Variants in ANAPC13 observed in about 807,000 individuals in gnomAD.
ANAPC13 encodes anaphase promoting complex subunit 13.
A neutral mutation model predicts 9.6 loss-of-function variants in ANAPC13; 9 were observed. The observed-to-expected ratio is 0.94, with a 90% CI of 0.57 to 1.64. ANAPC13 has a LOEUF of 1.64. Ranked by LOEUF, ANAPC13 falls within the 40% of genes most tolerant of loss-of-function variation. ANAPC13 has a pLI of 0.00. For synonymous variants in ANAPC13, 30 were observed against 29.7 expected, an observed-to-expected ratio of 1.01 and a Z score of -0.03; for missense variants, 75 against 85.3, an observed-to-expected ratio of 0.88 and a Z score of 0.48.
chr3:134,484,102 C>T (rs1213531140), intron 1 of ANAPC13, among the ~76,000 whole-genome samples: 2 of 152,218 alleles, frequency 1.3e-5, no homozygotes, highest in Admixed American at 1.3e-4. Flanking sequence ...GCTCACAGGG[C>T]CGGGCGCGGT....
chr3:134,485,991 G>GGCC, upstream of ANAPC13: 183 of 937,754 alleles, frequency 2.0e-4, no homozygotes, highest in Middle Eastern at 5.4e-4. Context: ...CTCCTGCCAC[G>GGCC]CCCCCCCCCC....
Position 134,477,997 on chromosome 3 carries a change from C to T in ANAPC13, c.*593G>A, listed in dbSNP as rs1297244526. 2 of 152,148 alleles carry T rather than the reference C, an allele frequency of 1.3e-5. No homozygotes were observed. Among genetic ancestry groups the T allele is most frequent in the Non-Finnish European group, 1.5e-5 (1 of 68,016 alleles). 9.4% of individuals were successfully genotyped at this position (152,148 alleles called of 1,614,324 possible). A position where few individuals can be genotyped will look rare whatever the true frequency, so the allele number is the denominator to read the frequency against. ...CATCCACCTAGCCAAAGATCCTTTCCAGCAGCACAAAAGGAATTTGTAAGG... is the reference window on the plus strand; with the variant it reads ...CATCCACCTAGCCAAAGATCCTTTCTAGCAGCACAAAAGGAATTTGTAAGG... On this transcript the variant is annotated 3_prime_UTR_variant, in exon 3 of 3. Coordinates refer to ENST00000354910, the MANE Select transcript of ANAPC13 (RefSeq NM_015391.4).
intron 2 of ANAPC13, 22 bp downstream of exon 2, chr3:134,482,784 C>T (rs1480968393): frequency 1.2e-6 from 2 of 1,603,020 alleles, no homozygotes; most frequent in Non-Finnish European, 1.7e-6. Flanking sequence ...TTAACCCATC[C>T]TCAGCTCAAA....
intron 2 of ANAPC13, among the ~76,000 whole-genome samples, chr3:134,479,779 A>G (rs982770046): frequency 6.6e-6 from 1 of 152,186 alleles, no homozygotes; most frequent in African/African-American, 2.4e-5. Context: ...TTCACACCCT[A>G]CCAGCAATTT....
intron 2 of ANAPC13, among the ~76,000 whole-genome samples, chr3:134,479,140 G>T (rs1446647460): frequency 1.3e-5 from 2 of 152,168 alleles, no homozygotes; most frequent in Non-Finnish European, 2.9e-5. Flanking sequence ...ATTAGGTGAG[G>T]TAATTCAGAT....
At position 134,480,270 on chromosome 3, in the gene ANAPC13, G is replaced by A. The variant is rs75859276; in HGVS notation, c.100-1555C>T. On this transcript the variant is annotated intron_variant, in intron 2 of 2. Coordinates refer to ENST00000354910, the MANE Select transcript of ANAPC13 (RefSeq NM_015391.4). ...ATTCTTTAATTCAGAAGCAGACAAC[G>A]TTGCTTAATTTCATCCTATCTGTGG... Among the ~76,000 whole-genome samples, 909 of 152,300 alleles carry A rather than the reference G, an allele frequency of 6.0e-3. 22 individuals are homozygous for A. The South Asian group carries it at 0.074, about 12-fold the overall frequency.
chr3:134,485,026 A>G (rs1934976555), intron 1 of ANAPC13, among the ~76,000 whole-genome samples: 1 of 152,130 alleles, frequency 6.6e-6, no homozygotes, highest in African/African-American at 2.4e-5. Context: ...CCCTTCTCCA[A>G]ACACCTCCAA....
intron 1 of ANAPC13, 55 bp from the exon 2 acceptor site, chr3:134,482,986 C>A (rs995413568): frequency 1.7e-6 from 2 of 1,206,616 alleles, no homozygotes; most frequent in Admixed American, 3.4e-5. Flanking sequence ...ATGGTATAAT[C>A]CACTATTAGG....
chr3:134,483,059 C>T (rs1423430285), intron 1 of ANAPC13, 128 bp from the exon 2 acceptor site: 22 of 647,920 alleles, frequency 3.4e-5, no homozygotes, highest in South Asian at 2.0e-4. Flanking sequence ...TCATATGGGC[C>T]GGGTGACTAC....
upstream of ANAPC13, chr3:134,485,998 C>T (rs1002660373): frequency 2.4e-5 from 24 of 981,730 alleles, no homozygotes; most frequent in Non-Finnish European, 2.7e-5. Context: ...CACGCCCCCC[C>T]CCCCTCCCCC....
intron 2 of ANAPC13, among the ~76,000 whole-genome samples, chr3:134,479,244 T>C (rs924587131): frequency 1.3e-5 from 2 of 152,218 alleles, no homozygotes; most frequent in African/African-American, 4.8e-5. Context: ...GAATCCTAAA[T>C]CTTCTTTAGC....
chr3:134,484,483 G>T (rs181537611), intron 1 of ANAPC13, among the ~76,000 whole-genome samples: 127 of 152,262 alleles, frequency 8.3e-4, no homozygotes, highest in African/African-American at 3.0e-3. Flanking sequence ...ATTATACACA[G>T]ATTGGTGTGG....
In ANAPC13 at chr3:134,482,711, T is replaced by C. The variant is rs1934762861; in HGVS notation, c.99+95A>G. On this transcript the variant is annotated intron_variant, in intron 2 of 2. Transcript: ENST00000354910. ...GAGAATTCCACAGCTTTGATTTCTT[T>C]GCCACACTAGTTTATCTTCCATTGA... 4.1e-6 allele frequency: 4 copies of C among 977,314 alleles called. No homozygotes were observed. In the South Asian group the frequency reaches 5.3e-5, roughly 13 times the overall value. 60.5% of individuals were successfully genotyped at this position (977,314 alleles called of 1,614,324 possible).
intron 2 of ANAPC13, among the ~76,000 whole-genome samples, chr3:134,481,944 GCTCT>G (rs1482406519): frequency 6.6e-6 from 1 of 152,152 alleles, no homozygotes; most frequent in Non-Finnish European, 1.5e-5. Context: ...TTCTTATTAT[GCTCT>G]CTCTTTTGAC....
At chr3:134,482,572 G>A (rs960671277) in intron 2 of ANAPC13, among the ~76,000 whole-genome samples, 4 of 152,114 alleles carry the variant, frequency 2.6e-5, no homozygotes, top group African/African-American at 9.7e-5. Flanking sequence ...TCAGAAAATC[G>A]GGGCTCTAGT....
chr3:134,482,312 G>A (rs1270419969), intron 2 of ANAPC13, among the ~76,000 whole-genome samples: 1 of 152,206 alleles, frequency 6.6e-6, no homozygotes, highest in Non-Finnish European at 1.5e-5. Flanking sequence ...GAAGAAAAGA[G>A]TATTCCAGAA....
chr3:134,482,956 T>C (rs1205756326), intron 1 of ANAPC13, 25 bp from the exon 2 acceptor site: 6 of 1,448,958 alleles, frequency 4.1e-6, no homozygotes, highest in African/African-American at 1.4e-5. Context: ...GGTTATTTCT[T>C]AAACACGAAG....
chr3:134,481,840 C>T (rs1814337), intron 2 of ANAPC13, among the ~76,000 whole-genome samples: 100,263 of 152,106 alleles, frequency 0.66, 33,432 homozygotes, highest in East Asian at 0.81. Context: ...ATAACAGCAC[C>T]TCCCTCACAG....
At position 134,482,834 on chromosome 3, in the gene ANAPC13, A is replaced by C. The variant is rs1227102071; in HGVS notation, c.71T>G (p.Leu24Arg). The change falls in exon 2 of 3, where the codon CTG becomes CGG. Residue 24 changes from leucine to arginine, a missense_variant. Leu to Arg is a moderately radical substitution (Grantham distance 102, BLOSUM62 -2). Transcript: ENST00000354910. Reference sequence around the variant, plus strand: ...TGGTATTGCGACATCCTCATAAGGCAGCTTGTCTTCTCGCCAAGCATCATC... The same window carrying C: ...TGGTATTGCGACATCCTCATAAGGCCGCTTGTCTTCTCGCCAAGCATCATC... Reference protein sequence around the residue: ...LIDDAWREDKLPYEDVAIPLN... With the variant: ...LIDDAWREDKRPYEDVAIPLN... The C allele has an allele frequency of 6.2e-7, 1 of 1,614,084 alleles. No homozygotes were observed. Among genetic ancestry groups the C allele is most frequent in the East Asian group, 2.2e-5 (1 of 44,894 alleles).
Sources: gnomAD v4.1 joint callset for allele counts (sites outside exome capture counted in the v4.1 genomes callset) on GRCh38, gnomAD v4.1.1 for gene constraint, MANE v1.5 for transcripts, NCBI Gene and HGNC (gene_info 2026-07-23, HGNC 2026-07-21) for gene names.